Variants in ZWILCH observed in about 807,000 individuals in gnomAD.
The protein encoded by ZWILCH is protein zwilch homolog.
In ZWILCH, 74 loss-of-function variants were observed where a neutral mutation model predicts 79.9. The observed-to-expected ratio is 0.93, with a 90% CI of 0.77 to 1.12. The LOEUF is 1.12. Ranked by LOEUF, ZWILCH falls within the 50% of genes most tolerant of loss-of-function variation. ZWILCH has a pLI of 0.00. For missense variants in ZWILCH, 694 were observed against 687.5 expected, an observed-to-expected ratio of 1.01 and a Z score of -0.11; for synonymous variants, 241 against 228.2, an observed-to-expected ratio of 1.06 and a Z score of -0.51.
intron 4 of ZWILCH, 113 bp from the exon 5 acceptor site, chr15:66,518,766 G>A (rs955133725): frequency 5.3e-6 from 5 of 951,552 alleles, no homozygotes; most frequent in East Asian, 5.2e-5. Context: ...AGCTATGATC[G>A]CACCACTGCA....
chr15:66,537,411 C>T, intron 16 of ZWILCH, 148 bp downstream of exon 16: 1 of 531,890 alleles, frequency 1.9e-6, no homozygotes, highest in Non-Finnish European at 3.3e-6. Context: ...ATAATAATAG[C>T]TGGGCGTGGT....
At chr15:66,518,288 C>CTTTT (rs537865347) in intron 4 of ZWILCH, among the ~76,000 whole-genome samples, 1 of 124,030 alleles carries the variant, frequency 8.1e-6, no homozygotes, top group Non-Finnish European at 1.7e-5. Context: ...CCTCTCGTGT[C>CTTTT]TTTTTTTTTT....
At chr15:66,539,446 C>G (rs1043164655) in intron 16 of ZWILCH, among the ~76,000 whole-genome samples, 21 of 151,036 alleles carry the variant, frequency 1.4e-4, no homozygotes, top group Admixed American at 4.0e-4. Context: ...TAGACTAGAC[C>G]TTGGTAACTC....
chr15:66,538,413 G>A (rs1000690004), intron 16 of ZWILCH, among the ~76,000 whole-genome samples: 4 of 149,280 alleles, frequency 2.7e-5, no homozygotes, highest in East Asian at 2.0e-4. Context: ...ACAGAGTTTC[G>A]CTCTTATTTC....
At chr15:66,547,784 ATTTCT>A (rs1310592737) in intron 18 of ZWILCH, 3 of 151,826 alleles carry the variant, frequency 2.0e-5, no homozygotes, top group Non-Finnish European at 4.4e-5. Context: ...TTATCTATAG[ATTTCT>A]TTTCTTTTCT....
chr15:66,515,411 G>T lies in ZWILCH; in HGVS notation c.202-115G>T, dbSNP rs75124194. On this transcript the variant is annotated intron_variant, in intron 3 of 18. Coordinates refer to ENST00000307897, the MANE Select transcript of ZWILCH (RefSeq NM_017975.5). ...AAAACCCAATCATTTGTGCTTAAGGGTATAAAAATAAGTACATTATGTTCT... is the reference window on the plus strand; with the variant it reads ...AAAACCCAATCATTTGTGCTTAAGGTTATAAAAATAAGTACATTATGTTCT... The T allele has an allele frequency of 4.2e-3, 2,879 of 689,464 alleles. 45 individuals are homozygous for T. Among genetic ancestry groups the T allele is most frequent in the African/African-American group, 0.041 (2,271 of 55,156 alleles). 42.7% of individuals were successfully genotyped at this position (689,464 alleles called of 1,614,324 possible).
chr15:66,536,163 T>C lies in ZWILCH; in HGVS notation c.1478+94T>C, dbSNP rs1183570594. On this transcript the variant is annotated intron_variant, in intron 15 of 18. Coordinates refer to ENST00000307897, the MANE Select transcript of ZWILCH (RefSeq NM_017975.5). ...GTACAGTTTTTATTACCAGTTAGGA[T>C]AGAACCTCTTCATCCTGTCTTTACA... 126 of 1,109,854 alleles carry C rather than the reference T, an allele frequency of 1.1e-4. 1 individual carries two copies. In the East Asian group the frequency reaches 3.1e-3, roughly 27 times the overall value. The allele number at this position is 1,109,854 out of a possible 1,614,324, so 68.8% of individuals were successfully genotyped here. A position where few individuals can be genotyped will look rare whatever the true frequency, so the allele number is the denominator to read the frequency against.
At position 66,532,458 on chromosome 15, in the gene ZWILCH, C is replaced by T; in HGVS notation, c.1312+55C>T. The T allele has an allele frequency of 5.4e-6, 8 of 1,481,876 alleles. No homozygotes were observed. In the South Asian group the frequency reaches 9.1e-5, roughly 17 times the overall value. 91.8% of individuals were successfully genotyped at this position (1,481,876 alleles called of 1,614,324 possible). ...AAAAACACATCACAGTTATCAGTCA[C>T]AGATATTCTCGGATTTTCTGTTTCT... On this transcript the variant is annotated intron_variant, in intron 13 of 18. Coordinates refer to ENST00000307897, the MANE Select transcript of ZWILCH (RefSeq NM_017975.5).
chr15:66,543,145 G>GT (rs1434442995), intron 17 of ZWILCH, among the ~76,000 whole-genome samples: 1 of 152,204 alleles, frequency 6.6e-6, no homozygotes, highest in Non-Finnish European at 1.5e-5. Flanking sequence ...GCTGCAATGA[G>GT]CCAAGATCGT....
chr15:66,534,733 G>T (rs757394432), intron 14 of ZWILCH, among the ~76,000 whole-genome samples: 1 of 152,168 alleles, frequency 6.6e-6, no homozygotes, highest in South Asian at 2.1e-4. Context: ...GAGCTTGCAG[G>T]ACTGGAAGTT....
intron 16 of ZWILCH, among the ~76,000 whole-genome samples, chr15:66,539,384 A>G (rs1895121172): frequency 7.0e-6 from 1 of 142,934 alleles, no homozygotes; most frequent in Admixed American, 7.2e-5. Flanking sequence ...AGCCTGGGTG[A>G]CAGAGCAAGA....
intron 14 of ZWILCH, among the ~76,000 whole-genome samples, chr15:66,534,953 A>C (rs903781239): frequency 1.3e-5 from 2 of 152,164 alleles, no homozygotes; most frequent in East Asian, 3.8e-4. Context: ...TTTTTTTGTA[A>C]TAACACTTAA....
At chr15:66,548,316 C>A in intron 18 of ZWILCH, 35 bp from the exon 19 acceptor site, 1 of 381,906 alleles carries the variant, frequency 2.6e-6, no homozygotes, top group Non-Finnish European at 4.7e-6. Context: ...TTTTTAATTT[C>A]TGCTTATTTT....
At chr15:66,537,613 C>T (rs1333023155) in intron 16 of ZWILCH, among the ~76,000 whole-genome samples, 1 of 151,882 alleles carries the variant, frequency 6.6e-6, no homozygotes, top group African/African-American at 2.4e-5. Flanking sequence ...ATCGCTTAAA[C>T]CTGGGAGGCA....
intron 5 of ZWILCH, among the ~76,000 whole-genome samples, chr15:66,519,305 T>C (rs59686073): frequency 3.0e-4 from 46 of 152,312 alleles, no homozygotes; most frequent in African/African-American, 1.1e-3. Context: ...TACACTTCTT[T>C]GATTTGGGTT....
At chr15:66,531,077 G>A (rs952548583) in intron 12 of ZWILCH, among the ~76,000 whole-genome samples, 1 of 151,944 alleles carries the variant, frequency 6.6e-6, no homozygotes, top group African/African-American at 2.4e-5. Context: ...GTGGGGAAAT[G>A]ACATTTTATG....
At position 66,548,989 on chromosome 15, in the gene ZWILCH, C is replaced by G. The variant is rs1895491114; in HGVS notation, c.*665C>G. 1 of 156,776 alleles carries G rather than the reference C, an allele frequency of 6.4e-6. No homozygotes were observed. The highest frequency in any genetic ancestry group is 2.4e-5 in the African/African-American group (1 of 41,510). 9.7% of individuals were successfully genotyped at this position (156,776 alleles called of 1,614,324 possible). The stretch of plus-strand genomic sequence containing the variant: ...TCCTTGGGAAACATTTCCAATCTTT[C>G]AAAATATTATTGTGTATCTTAAGAA... On this transcript the variant is annotated 3_prime_UTR_variant, in exon 19 of 19. Coordinates refer to ENST00000307897, the MANE Select transcript of ZWILCH (RefSeq NM_017975.5).
intron 15 of ZWILCH, among the ~76,000 whole-genome samples, chr15:66,536,608 A>G (rs767147278): frequency 6.6e-6 from 1 of 152,222 alleles, no homozygotes; most frequent in Non-Finnish European, 1.5e-5. Flanking sequence ...TGAACTGTCC[A>G]GTGGAAGGAC....
chr15:66,546,967 T>G (rs535868166), intron 18 of ZWILCH: 1 of 168,656 alleles, frequency 5.9e-6, no homozygotes, highest in African/African-American at 2.4e-5. Flanking sequence ...TGTCTTTGCA[T>G]TTAAAATCTG....
Sources: gnomAD v4.1 joint callset for allele counts (sites outside exome capture counted in the v4.1 genomes callset) on GRCh38, gnomAD v4.1.1 for gene constraint, MANE v1.5 for transcripts, NCBI Gene and HGNC (gene_info 2026-07-23, HGNC 2026-07-21) for gene names.